The following PPP3CC variants were observed in gnomAD, a reference collection of about 807,000 sequenced individuals.
PPP3CC encodes protein phosphatase 3 catalytic subunit gamma, also known as serine/threonine-protein phosphatase 2B catalytic subunit gamma isoform.
A neutral mutation model predicts 60.3 loss-of-function variants in PPP3CC; 35 were observed. That is an observed-to-expected ratio of 0.58 (90% CI 0.44 to 0.77). PPP3CC has a LOEUF of 0.77. Ranked by LOEUF, PPP3CC falls within the 30% of genes least tolerant of loss-of-function variation. PPP3CC has a pLI of 0.00. For missense variants in PPP3CC, 570 were observed against 628.9 expected, an observed-to-expected ratio of 0.91 and a Z score of 1.00; for synonymous variants, 206 against 224.3, an observed-to-expected ratio of 0.92 and a Z score of 0.73.
At chr8:22,485,595 G>C (rs1838201058) in intron 3 of PPP3CC, among the ~76,000 whole-genome samples, 1 of 152,158 alleles carries the variant, frequency 6.6e-6, no homozygotes, top group African/African-American at 2.4e-5. Context: ...CCCCAGTGTG[G>C]CTACCTTGTA....
rs562338973 is a variant in PPP3CC at position 22,447,763 on chromosome 8, T to A, written c.49+6305T>A. Reference sequence around the variant, plus strand: ...GATGAATGTAGAGAGAACTTTTAGTTCCCCATATTCAATTTTGTTTTGTTG... The same window carrying A: ...GATGAATGTAGAGAGAACTTTTAGTACCCCATATTCAATTTTGTTTTGTTG... On this transcript the variant is annotated intron_variant, in intron 1 of 13. Transcript: ENST00000240139. 7.2e-5 allele frequency among the ~76,000 whole-genome samples: 11 copies of A among 152,316 alleles called. No homozygotes were observed. The South Asian group carries it at 2.3e-3, about 32-fold the overall frequency.
chr8:22,499,253 C>G (rs1838689032), intron 4 of PPP3CC, among the ~76,000 whole-genome samples: 1 of 150,954 alleles, frequency 6.6e-6, no homozygotes, highest in Non-Finnish European at 1.5e-5. Context: ...TCCTGGCTAA[C>G]AAGGTGAAAC....
chr8:22,513,722 C>G (rs1374111945), intron 6 of PPP3CC, among the ~76,000 whole-genome samples: 1 of 152,102 alleles, frequency 6.6e-6, no homozygotes, highest in Non-Finnish European at 1.5e-5. Context: ...TATCTATACA[C>G]TTTTTTAAAA....
At chr8:22,473,166 C>T (rs1837781754) in intron 1 of PPP3CC, among the ~76,000 whole-genome samples, 1 of 152,096 alleles carries the variant, frequency 6.6e-6, no homozygotes, top group African/African-American at 2.4e-5. Flanking sequence ...TAAAAATACT[C>T]ATAGATTTCA....
rs370800509 is a variant in PPP3CC at position 22,528,475 on chromosome 8, C to T, written c.1070-31C>T. Reference sequence around the variant, plus strand: ...TTTAGAGAAAGTACCTCATTAATCGCGTAAATTTTGGATTATTTTGTCTTA... The same window carrying T: ...TTTAGAGAAAGTACCTCATTAATCGTGTAAATTTTGGATTATTTTGTCTTA... On this transcript the variant is annotated intron_variant, in intron 9 of 13. Coordinates refer to ENST00000240139, the MANE Select transcript of PPP3CC (RefSeq NM_005605.5). 1.7e-4 allele frequency: 247 copies of T among 1,433,412 alleles called. 1 individual carries two copies. The South Asian group carries it at 2.5e-3, about 14-fold the overall frequency. The allele number at this position is 1,433,412 out of a possible 1,614,324, so 88.8% of individuals were successfully genotyped here.
intron 3 of PPP3CC, among the ~76,000 whole-genome samples, chr8:22,496,844 G>T (rs1432496455): frequency 6.6e-6 from 1 of 151,932 alleles, no homozygotes; most frequent in Non-Finnish European, 1.5e-5. Flanking sequence ...AAGAACAAGG[G>T]ATGTCTTTCC....
intron 4 of PPP3CC, among the ~76,000 whole-genome samples, chr8:22,503,028 C>T (rs553739366): frequency 4.6e-5 from 7 of 152,090 alleles, no homozygotes; most frequent in African/African-American, 1.7e-4. Context: ...ATTTTATATC[C>T]TCTCTAGTAT....
chr8:22,489,737 A>ATATAAGTATATATTATATATTATATAT lies in PPP3CC; in HGVS notation c.373-8264_373-8263insTATAAGTATATATTATATATTATATAT, dbSNP rs1367942052. ...AGTATATATTATATATTATATATAT[A>ATATAAGTATATATTATATATTATATAT]ATAAGTATATATTATATATAAGTAT... On this transcript the variant is annotated intron_variant, in intron 3 of 13. Transcript: ENST00000240139. Among the ~76,000 whole-genome samples the ATATAAGTATATATTATATATTATATAT allele has an allele frequency of 7.5e-4, 32 of 42,592 alleles. No individual in the cohort carries two copies. In the East Asian group the frequency reaches 0.028, roughly 38 times the overall value. 27.9% of individuals were successfully genotyped at this position (42,592 alleles called of 152,430 possible).
intron 1 of PPP3CC, among the ~76,000 whole-genome samples, chr8:22,469,447 A>G (rs1404456952): frequency 1.3e-5 from 2 of 152,180 alleles, no homozygotes; most frequent in Admixed American, 1.3e-4. Flanking sequence ...ACTATACCTA[A>G]CAAAAATGTA....
chr8:22,474,828 G>A (rs1020308438), intron 1 of PPP3CC, 126 bp from the exon 2 acceptor site: 25 of 530,222 alleles, frequency 4.7e-5, no homozygotes, highest in African/African-American at 1.4e-4. Context: ...TTTTCCCCAC[G>A]TACTGGTGCT....
intron 4 of PPP3CC, 101 bp from the exon 5 acceptor site, chr8:22,510,985 A>G (rs916759758): frequency 1.6e-6 from 2 of 1,263,740 alleles, no homozygotes; most frequent in African/African-American, 3.0e-5. Flanking sequence ...ATCATCTAAA[A>G]TAAATGGCTC....
intron 1 of PPP3CC, among the ~76,000 whole-genome samples, chr8:22,472,203 G>GGAAC (rs1837743349): frequency 6.6e-6 from 1 of 151,352 alleles, no homozygotes; most frequent in Non-Finnish European, 1.5e-5. Flanking sequence ...AAATGTTTCA[G>GGAAC]TTTTTAAAAA....
chr8:22,460,482 A>G (rs1837333451), intron 1 of PPP3CC, among the ~76,000 whole-genome samples: 1 of 151,886 alleles, frequency 6.6e-6, no homozygotes, highest in Non-Finnish European at 1.5e-5. Flanking sequence ...ATGAGCCACC[A>G]TTCCCAGGCC....
At chr8:22,481,997 G>A (rs2443501) in intron 3 of PPP3CC, among the ~76,000 whole-genome samples, 61,232 of 151,994 alleles carry the variant, frequency 0.4, 13,090 homozygotes, top group East Asian at 0.6. Context: ...GTAGACATAC[G>A]TGTGCATGTG....
intron 4 of PPP3CC, among the ~76,000 whole-genome samples, chr8:22,503,690 T>A (rs1403556747): frequency 6.6e-6 from 1 of 152,198 alleles, no homozygotes; most frequent in African/African-American, 2.4e-5. Flanking sequence ...ATTTTAAGTA[T>A]CTCCTTTTGC....
chr8:22,449,483 C>T (rs1836941106), intron 1 of PPP3CC, among the ~76,000 whole-genome samples: 1 of 142,084 alleles, frequency 7.0e-6, no homozygotes, highest in African/African-American at 2.6e-5. Flanking sequence ...GGAAATGCCT[C>T]AAAACAGCTA....
At chr8:22,459,295 A>T (rs1027808291) in intron 1 of PPP3CC, among the ~76,000 whole-genome samples, 1 of 152,162 alleles carries the variant, frequency 6.6e-6, no homozygotes, top group African/African-American at 2.4e-5. Context: ...CAGAGCTGCA[A>T]ATTTCTTACT....
At chr8:22,459,228 G>A (rs1052075858) in intron 1 of PPP3CC, among the ~76,000 whole-genome samples, 3 of 152,156 alleles carry the variant, frequency 2.0e-5, no homozygotes, top group African/African-American at 7.2e-5. Flanking sequence ...ACATGCCACT[G>A]TGCCCAGACC....
At chr8:22,466,957 G>T (rs1837540571) in intron 1 of PPP3CC, among the ~76,000 whole-genome samples, 1 of 152,042 alleles carries the variant, frequency 6.6e-6, no homozygotes, top group Non-Finnish European at 1.5e-5. Context: ...TGCTGCCCAG[G>T]CTGGTTTCGA....
Sources: gnomAD v4.1 joint callset for allele counts (sites outside exome capture counted in the v4.1 genomes callset) on GRCh38, gnomAD v4.1.1 for gene constraint, MANE v1.5 for transcripts, NCBI Gene and HGNC (gene_info 2026-07-23, HGNC 2026-07-21) for gene names.